Variants in TEX36 observed in about 807,000 individuals in gnomAD.
TEX36 encodes the protein testis-expressed protein 36.
Under a neutral mutation model 13.6 loss-of-function variants are expected in TEX36, and 12 were observed. That is an observed-to-expected ratio of 0.88 (90% CI 0.56 to 1.43). The LOEUF is 1.43. Among genes scored for constraint, TEX36 ranks in the 40% most tolerant of loss-of-function variants. The pLI, the probability that TEX36 is intolerant of heterozygous loss-of-function variation, is 0.00. For synonymous variants in TEX36, 93 were observed against 83.0 expected (o/e 1.12, Z -0.65); for missense variants, 224 against 228.3 (o/e 0.98, Z 0.12).
chr10:125,612,385 C>T (rs1350311625), intron 3 of TEX36, among the ~76,000 whole-genome samples: 1 of 152,058 alleles, frequency 6.6e-6, no homozygotes, highest in Non-Finnish European at 1.5e-5. Flanking sequence ...AACCCCAGCA[C>T]CCATCAAAGT....
chr10:125,620,292 G>A (rs1023537790), downstream of TEX36, among the ~76,000 whole-genome samples: 5 of 152,232 alleles, frequency 3.3e-5, no homozygotes, highest in African/African-American at 4.8e-5. Flanking sequence ...AAAAATCTTC[G>A]CTCATTTTGT....
At chr10:125,576,712 C>G (rs757701989) in exon 4 of TEX36, 4 of 1,534,080 alleles carry the variant, frequency 2.6e-6, no homozygotes, top group Non-Finnish European at 3.5e-6. Flanking sequence ...AGTCAGGACT[C>G]TGGGGAATGG....
At chr10:125,656,739 G>C (rs1038023555) in intron 3 of TEX36, among the ~76,000 whole-genome samples, 1 of 152,036 alleles carries the variant, frequency 6.6e-6, no homozygotes, top group Non-Finnish European at 1.5e-5. Flanking sequence ...TGCCACCAAG[G>C]GGCCTGCACT....
At position 125,586,717 on chromosome 10, in the gene TEX36, G is replaced by T. The variant is rs189827816; in HGVS notation, c.265-9843C>A. The stretch of plus-strand genomic sequence containing the variant: ...AGCTACTCAGGAGGCTGAAGGGGGA[G>T]GATTGCTTGAGTCCAGGAGGCAGAG... On this transcript the variant is annotated intron_variant, in intron 3 of 3. Transcript: ENST00000532135. Among the ~76,000 whole-genome samples the T allele has an allele frequency of 5.3e-3, 811 of 151,620 alleles. 2 individuals carry two copies. The highest frequency in any genetic ancestry group is 9.0e-3 in the Non-Finnish European group (612 of 67,910).
chr10:125,607,290 G>A (rs766563851), intron 3 of TEX36, among the ~76,000 whole-genome samples: 11 of 152,218 alleles, frequency 7.2e-5, no homozygotes, highest in Non-Finnish European at 1.3e-4. Flanking sequence ...GTGCTGTCAA[G>A]CAAGTGCCCC....
exon 4 of TEX36, chr10:125,576,848 C>T (rs1456756188): frequency 6.5e-7 from 1 of 1,536,120 alleles, no homozygotes; most frequent in Non-Finnish European, 8.7e-7. Flanking sequence ...CTGGTTCTCC[C>T]TGTGGGTCCG....
At chr10:125,624,496 G>A (rs1275082348) in intron 3 of TEX36, among the ~76,000 whole-genome samples, 2 of 152,108 alleles carry the variant, frequency 1.3e-5, no homozygotes, top group Non-Finnish European at 2.9e-5. Flanking sequence ...AGAGGGTCCT[G>A]AGGAAGAGTT....
chr10:125,589,152 T>C (rs1236970614), intron 3 of TEX36, among the ~76,000 whole-genome samples: 1 of 152,262 alleles, frequency 6.6e-6, no homozygotes, highest in Non-Finnish European at 1.5e-5. Context: ...TTCTGAGAAC[T>C]ACCCGTTTAT....
exon 4 of TEX36, chr10:125,576,759 A>T (rs1380373111): frequency 6.5e-7 from 1 of 1,535,236 alleles, no homozygotes; most frequent in Admixed American, 2.0e-5. Flanking sequence ...TCACACTGCA[A>T]GGAGGGGTGC....
chr10:125,635,595 G>A (rs751285130), intron 3 of TEX36, among the ~76,000 whole-genome samples: 67 of 152,282 alleles, frequency 4.4e-4, no homozygotes, highest in Non-Finnish European at 7.5e-4. Flanking sequence ...AAGGTACAGC[G>A]GATGGGGGAA....
At chr10:125,618,942 T>TAAAAAA (rs11452140), downstream of TEX36, among the ~76,000 whole-genome samples, 14 of 43,580 alleles carry the variant, frequency 3.2e-4, no homozygotes, top group African/African-American at 1.1e-3. Context: ...CCGTCTCTAC[T>TAAAAAA]AAAAAAAAAA....
intron 3 of TEX36, among the ~76,000 whole-genome samples, chr10:125,638,676 G>A (rs1360397041): frequency 2.0e-5 from 3 of 152,192 alleles, no homozygotes; most frequent in Non-Finnish European, 4.4e-5. Flanking sequence ...CTAAGCCACC[G>A]TGCCCAGCTG....
intron 3 of TEX36, among the ~76,000 whole-genome samples, chr10:125,638,846 C>T (rs1376097007): frequency 6.6e-6 from 1 of 152,262 alleles, no homozygotes; most frequent in Non-Finnish European, 1.5e-5. Flanking sequence ...ACATCAGCAT[C>T]ACTGAGACTT....
At chr10:125,658,758 A>G (rs961401775) in intron 3 of TEX36, among the ~76,000 whole-genome samples, 1 of 152,218 alleles carries the variant, frequency 6.6e-6, no homozygotes, top group Non-Finnish European at 1.5e-5. Context: ...AATTCAAAAC[A>G]TTCTTCCAAT....
chr10:125,584,347 T>C (rs1845918258), intron 3 of TEX36, among the ~76,000 whole-genome samples: 1 of 152,272 alleles, frequency 6.6e-6, no homozygotes, highest in Admixed American at 6.5e-5. Flanking sequence ...AGATCACTGA[T>C]ACAAATGGGT....
Position 125,683,090 on chromosome 10 carries a change from G to A in TEX36, c.-101C>T, listed in dbSNP as rs555008413. ...TTCCTAAACTTCATAAGCTCTACAC[G>A]TCTGGGAAGCTCCTCCTCCTCCTTG... On this transcript the variant is annotated 5_prime_UTR_variant, in exon 1 of 4. The change creates a new upstream start codon in the 5' untranslated region. Coordinates refer to ENST00000368821, the MANE Select transcript of TEX36 (RefSeq NM_001128202.3). The A allele has an allele frequency of 1.7e-5, 22 of 1,324,092 alleles. No homozygotes were observed. Among genetic ancestry groups the A allele is most frequent in the East Asian group, 2.5e-5 (1 of 39,800 alleles). 82.0% of individuals were successfully genotyped at this position (1,324,092 alleles called of 1,614,324 possible). A position where few individuals can be genotyped will look rare whatever the true frequency, so the allele number is the denominator to read the frequency against.
chr10:125,644,068 G>T (rs979149629), intron 3 of TEX36, among the ~76,000 whole-genome samples: 1 of 152,156 alleles, frequency 6.6e-6, no homozygotes, highest in African/African-American at 2.4e-5. Flanking sequence ...ACAAGCTATA[G>T]AAATAAGTAA....
At chr10:125,582,254 T>G (rs7079684) in intron 3 of TEX36, among the ~76,000 whole-genome samples, 7 of 152,060 alleles carry the variant, frequency 4.6e-5, no homozygotes, top group African/African-American at 1.7e-4. Flanking sequence ...TGAGTTTCAC[T>G]TCAGTGATGT....
chr10:125,664,192 T>C (rs749824681), intron 1 of TEX36, among the ~76,000 whole-genome samples: 10 of 152,148 alleles, frequency 6.6e-5, no homozygotes, highest in Non-Finnish European at 1.2e-4. Context: ...TATGGCTGAA[T>C]AGTACTTCAT....
Sources: allele counts gnomAD v4.1 joint callset (sites outside exome capture counted in the v4.1 genomes callset), GRCh38; gene constraint gnomAD v4.1.1; transcripts MANE v1.5; gene names NCBI Gene and HGNC (gene_info 2026-07-23, HGNC 2026-07-21).